The following PPIH variants were observed in gnomAD, a reference collection of about 807,000 sequenced individuals.
PPIH encodes peptidylprolyl isomerase H.
In PPIH, 16 loss-of-function variants were observed where a neutral mutation model predicts 27.6. The observed-to-expected ratio is 0.58, with a 90% CI of 0.39 to 0.88. The LOEUF is 0.88. Among genes scored for constraint, PPIH ranks in the 40% least tolerant of loss-of-function variants. PPIH has a pLI of 0.00. For missense variants in PPIH, 155 were observed against 224.1 expected (o/e 0.69, Z 1.97); for synonymous variants, 63 against 76.1 (o/e 0.83, Z 0.90).
chr1:42,666,212 G>A, intron 7 of PPIH, 145 bp downstream of exon 7: 1 of 786,546 alleles, frequency 1.3e-6, no homozygotes, highest in Admixed American at 2.3e-5. Context: ...TGGTGGGGAG[G>A]TGGGGAACAT....
chr1:42,676,198 G>A (rs1015352231), intron 9 of PPIH, among the ~76,000 whole-genome samples: 4 of 151,980 alleles, frequency 2.6e-5, no homozygotes, highest in South Asian at 2.1e-4. Flanking sequence ...GGCCGGGCAC[G>A]GTGGCTCATC....
intron 4 of PPIH, among the ~76,000 whole-genome samples, chr1:42,659,934 T>C (rs1362568079): frequency 6.6e-6 from 1 of 152,218 alleles, no homozygotes; most frequent in African/African-American, 2.4e-5. Context: ...ATAATCATAT[T>C]TCCTGGGGAG....
At chr1:42,668,012 AG>A (rs891604349) in intron 9 of PPIH, among the ~76,000 whole-genome samples, 12 of 152,194 alleles carry the variant, frequency 7.9e-5, no homozygotes, top group African/African-American at 2.9e-4. Context: ...AGCTGCAGAG[AG>A]GGGGACAAAG....
At chr1:42,676,902 G>A (rs961052366), downstream of PPIH, 1 of 152,146 alleles carries the variant, frequency 6.6e-6, no homozygotes, top group South Asian at 2.1e-4. Context: ...CTTTTGCTGT[G>A]TATAGTTAAT....
chr1:42,670,389 A>G (rs1233233609), intron 9 of PPIH, among the ~76,000 whole-genome samples: 1 of 152,112 alleles, frequency 6.6e-6, no homozygotes, highest in Non-Finnish European at 1.5e-5. Flanking sequence ...AGGACAAACG[A>G]TAACAAAAAG....
intron 9 of PPIH, among the ~76,000 whole-genome samples, chr1:42,672,039 G>A (rs944271119): frequency 5.3e-5 from 8 of 151,598 alleles, no homozygotes; most frequent in Non-Finnish European, 1.0e-4. Context: ...GCCCACCACC[G>A]CACCCAGCTA....
intron 9 of PPIH, among the ~76,000 whole-genome samples, chr1:42,671,687 A>G (rs1649644290): frequency 1.3e-5 from 2 of 152,094 alleles, no homozygotes; most frequent in South Asian, 2.1e-4. Context: ...AAAATCCCTC[A>G]TAGGTTTTAA....
chr1:42,675,801 C>T (rs528827242), intron 9 of PPIH, among the ~76,000 whole-genome samples: 42 of 152,184 alleles, frequency 2.8e-4, no homozygotes, highest in African/African-American at 1.0e-3. Flanking sequence ...CCTCTGGGAC[C>T]GAAACCTGCA....
intron 9 of PPIH, among the ~76,000 whole-genome samples, chr1:42,670,387 C>T (rs555794017): frequency 4.6e-5 from 7 of 152,142 alleles, no homozygotes; most frequent in Middle Eastern, 3.4e-3. Context: ...AGAGGACAAA[C>T]GATAACAAAA....
chr1:42,677,384 A>G (rs1303470304), downstream of PPIH, among the ~76,000 whole-genome samples: 3 of 152,176 alleles, frequency 2.0e-5, no homozygotes, highest in South Asian at 6.2e-4. Context: ...AGGCACAAGA[A>G]TCGCTTGAAC....
intron 5 of PPIH, among the ~76,000 whole-genome samples, chr1:42,664,566 C>T (rs1286197852): frequency 1.3e-5 from 2 of 152,184 alleles, no homozygotes; most frequent in Non-Finnish European, 1.5e-5. Context: ...AGTATGTGAT[C>T]ACCTTGTTGC....
chr1:42,677,184 A>G (rs905416277), downstream of PPIH, among the ~76,000 whole-genome samples: 19 of 152,330 alleles, frequency 1.2e-4, no homozygotes, highest in African/African-American at 4.6e-4. Context: ...AGAAAATGTT[A>G]GTTTTGGGAC....
At chr1:42,666,382 T>G (rs1209428597) in intron 7 of PPIH, among the ~76,000 whole-genome samples, 165 bp from the exon 8 acceptor site, 1 of 152,202 alleles carries the variant, frequency 6.6e-6, no homozygotes, top group Non-Finnish European at 1.5e-5. Flanking sequence ...GAGCCCTAAC[T>G]CTACTTATTA....
downstream of PPIH, chr1:42,681,068 C>T (rs565198874): frequency 6.6e-6 from 1 of 152,352 alleles, no homozygotes; most frequent in African/African-American, 2.4e-5. Flanking sequence ...CATTAGCCTC[C>T]TAACTGCTTT....
chr1:42,663,147 T>G (rs182323229), intron 5 of PPIH, among the ~76,000 whole-genome samples: 2 of 152,392 alleles, frequency 1.3e-5, no homozygotes, highest in African/African-American at 4.8e-5. Context: ...AAATTGGAGA[T>G]GAACTTGTTT....
chr1:42,658,555 T>C (rs1648786851), intron 1 of PPIH, 43 bp downstream of exon 1: 4 of 1,579,372 alleles, frequency 2.5e-6, no homozygotes, highest in East Asian at 2.2e-5. Flanking sequence ...GAAGGGAAAC[T>C]GCTCGGGGCT....
In PPIH at chr1:42,663,106, G is replaced by A. The variant is rs150887445; in HGVS notation, c.244-1757G>A. ...ATAACGTGATTACGGAGAATGGCAC[G>A]GTAACTGATGTGTCCCTTAGGTTCA... is the stretch of plus-strand genomic sequence containing the variant. On this transcript the variant is annotated intron_variant, in intron 5 of 9. Coordinates refer to ENST00000304979, the MANE Select transcript of PPIH (RefSeq NM_006347.4). 4.2e-3 allele frequency among the ~76,000 whole-genome samples: 640 copies of A among 152,258 alleles called. 2 individuals are homozygous for A. The highest frequency in any genetic ancestry group is 0.014 in the African/African-American group (567 of 41,526).
chr1:42,678,399 GTTTT>G (rs1018231195), downstream of PPIH, among the ~76,000 whole-genome samples: 1 of 152,016 alleles, frequency 6.6e-6, no homozygotes, highest in African/African-American at 2.4e-5. Flanking sequence ...GGATATTTGG[GTTTT>G]TTGTTTTTCG....
chr1:42,670,118 A>T (rs1195516299), intron 9 of PPIH, among the ~76,000 whole-genome samples: 1 of 152,208 alleles, frequency 6.6e-6, no homozygotes, highest in Non-Finnish European at 1.5e-5. Context: ...CGTGTGAGCA[A>T]ATGCTGAGGC....
Sources: gnomAD v4.1 joint callset for allele counts (sites outside exome capture counted in the v4.1 genomes callset) on GRCh38, gnomAD v4.1.1 for gene constraint, MANE v1.5 for transcripts, NCBI Gene and HGNC (gene_info 2026-07-23, HGNC 2026-07-21) for gene names.